C8orf34: variants seen among roughly 807,000 people sequenced by gnomAD.
C8orf34 encodes chromosome 8 open reading frame 34, also known as uncharacterized protein C8orf34.
In C8orf34, 65 loss-of-function variants were observed where a neutral mutation model predicts 68.3. The observed-to-expected ratio is 0.95, with a 90% CI of 0.78 to 1.17. The LOEUF (loss-of-function observed/expected upper bound fraction) is 1.17. Among genes scored for constraint, C8orf34 ranks in the 50% most tolerant of loss-of-function variants. The probability of loss-of-function intolerance (pLI) is 0.00; values close to 1 mark genes in which losing one functional copy is unlikely to be tolerated. For missense variants in C8orf34, 664 were observed against 655.4 expected (o/e 1.01, Z -0.14); for synonymous variants, 244 against 241.2 (o/e 1.01, Z -0.11).
intron 10 of C8orf34, among the ~76,000 whole-genome samples, chr8:68,774,229 G>A (rs1823435784): frequency 6.6e-6 from 1 of 151,434 alleles, no homozygotes; most frequent in Non-Finnish European, 1.5e-5. Context: ...AATTGGAACA[G>A]CCCATAGCAC....
At chr8:68,569,816 T>C (rs1816709068) in intron 7 of C8orf34, among the ~76,000 whole-genome samples, 1 of 152,212 alleles carries the variant, frequency 6.6e-6, no homozygotes, top group Non-Finnish European at 1.5e-5. Context: ...TAAAATTGCC[T>C]TGAGGACAAA....
chr8:68,768,573 G>T (rs989237533), intron 10 of C8orf34, among the ~76,000 whole-genome samples: 8 of 152,002 alleles, frequency 5.3e-5, no homozygotes, highest in African/African-American at 1.9e-4. Context: ...AGTGACTCTA[G>T]AATTAGAATA....
At chr8:68,550,948 C>G (rs780201682) in intron 7 of C8orf34, among the ~76,000 whole-genome samples, 1 of 149,510 alleles carries the variant, frequency 6.7e-6, no homozygotes, top group African/African-American at 2.5e-5. Context: ...GTTTCTTCAT[C>G]TTCAATTTTC....
chr8:68,654,755 T>C (rs1415529927), intron 8 of C8orf34, among the ~76,000 whole-genome samples: 1 of 152,102 alleles, frequency 6.6e-6, no homozygotes, highest in African/African-American at 2.4e-5. Flanking sequence ...TTAATATAAA[T>C]AACAAAGAAC....
chr8:68,680,209 G>T (rs1039656327), intron 8 of C8orf34, among the ~76,000 whole-genome samples: 1 of 152,090 alleles, frequency 6.6e-6, no homozygotes, highest in Non-Finnish European at 1.5e-5. Context: ...TATATAAGGA[G>T]CTCATATGAC....
chr8:68,468,644 T>C, intron 3 of C8orf34, 48 bp from the exon 4 acceptor site: 1 of 1,586,772 alleles, frequency 6.3e-7, no homozygotes, highest in Non-Finnish European at 8.6e-7. Context: ...AGTCAGTTTG[T>C]GTCATTATGT....
intron 1 of C8orf34, among the ~76,000 whole-genome samples, chr8:68,388,594 A>G (rs975105750): frequency 4.6e-5 from 7 of 152,152 alleles, no homozygotes; most frequent in Non-Finnish European, 8.8e-5. Flanking sequence ...GCCTGAGGCA[A>G]TATGGCATCA....
In C8orf34 at chr8:68,698,195, C is replaced by T. The variant is rs547094284; in HGVS notation, c.1242-10799C>T. 2.6e-5 allele frequency among the ~76,000 whole-genome samples: 4 copies of T among 152,150 alleles called. No individual in the cohort carries two copies. In the South Asian group the frequency reaches 8.3e-4, roughly 32 times the overall value. On this transcript the variant is annotated intron_variant, in intron 8 of 13. Transcript: ENST00000518698. ...TGACATCCCAATTGCCATTTGCGGA[C>T]AGATAGAACCCTACTAAAATATTGT...
intron 10 of C8orf34, among the ~76,000 whole-genome samples, chr8:68,748,568 T>C (rs1439126907): frequency 2.6e-5 from 4 of 152,004 alleles, no homozygotes; most frequent in Non-Finnish European, 4.4e-5. Flanking sequence ...CATCAAGAAG[T>C]AGGCGAAGGA....
At chr8:68,722,558 C>T (rs771040255) in intron 10 of C8orf34, among the ~76,000 whole-genome samples, 1 of 152,004 alleles carries the variant, frequency 6.6e-6, no homozygotes, top group Non-Finnish European at 1.5e-5. Flanking sequence ...TGTATCGTTG[C>T]TCAGATGTTA....
chr8:68,450,371 A>G (rs186244219), intron 3 of C8orf34, among the ~76,000 whole-genome samples: 45 of 152,264 alleles, frequency 3.0e-4, no homozygotes, highest in African/African-American at 9.1e-4. Flanking sequence ...ATCTCCTCCC[A>G]TGAATCACAA....
intron 7 of C8orf34, among the ~76,000 whole-genome samples, chr8:68,546,979 A>G (rs545688756): frequency 2.9e-4 from 44 of 151,944 alleles, no homozygotes; most frequent in Middle Eastern, 6.8e-3. Flanking sequence ...TTTTAAAATT[A>G]TTGATATAAG....
At chr8:68,374,884 A>G (rs963445950) in intron 1 of C8orf34, among the ~76,000 whole-genome samples, 1 of 152,204 alleles carries the variant, frequency 6.6e-6, no homozygotes, top group African/African-American at 2.4e-5. Context: ...GATTTACTCA[A>G]TGATAAAGTA....
chr8:68,689,003 AC>A (rs1357611052), intron 8 of C8orf34, among the ~76,000 whole-genome samples: 1 of 152,050 alleles, frequency 6.6e-6, no homozygotes, highest in Non-Finnish European at 1.5e-5. Flanking sequence ...ACAAAACAAA[AC>A]AAAACAAACA....
At chr8:68,648,142 G>A (rs552669616) in intron 8 of C8orf34, among the ~76,000 whole-genome samples, 2 of 152,200 alleles carry the variant, frequency 1.3e-5, no homozygotes, top group East Asian at 3.9e-4. Context: ...TGTCTTGGCT[G>A]GACTTATAGA....
chr8:68,655,193 G>T (rs1819477165), intron 8 of C8orf34, among the ~76,000 whole-genome samples: 1 of 151,840 alleles, frequency 6.6e-6, no homozygotes, highest in South Asian at 2.1e-4. Context: ...AATTAGCTTT[G>T]GATTTAATTT....
At chr8:68,608,645 G>C (rs1044297707) in intron 7 of C8orf34, among the ~76,000 whole-genome samples, 3 of 151,784 alleles carry the variant, frequency 2.0e-5, no homozygotes, top group African/African-American at 7.3e-5. Context: ...TATGACATTT[G>C]AAGGAGTTAA....
intron 7 of C8orf34, among the ~76,000 whole-genome samples, chr8:68,575,375 G>T (rs1816871506): frequency 6.6e-6 from 1 of 151,856 alleles, no homozygotes; most frequent in African/African-American, 2.4e-5. Context: ...AGTTTATATT[G>T]CAACATTTAG....
intron 1 of C8orf34, among the ~76,000 whole-genome samples, chr8:68,399,864 G>A (rs1163692409): frequency 6.6e-6 from 1 of 152,136 alleles, no homozygotes; most frequent in African/African-American, 2.4e-5. Context: ...TCTGAGTGGT[G>A]TAAGATGATA....
Sources: allele counts gnomAD v4.1 joint callset (sites outside exome capture counted in the v4.1 genomes callset), GRCh38; gene constraint gnomAD v4.1.1; transcripts MANE v1.5; gene names NCBI Gene and HGNC (gene_info 2026-07-23, HGNC 2026-07-21).